The following SPTLC1 variants were observed in gnomAD, a reference collection of about 807,000 sequenced individuals.
SPTLC1 encodes serine palmitoyltransferase long chain base subunit 1, also known as serine palmitoyltransferase 1.
Under a neutral mutation model 68.9 loss-of-function variants are expected in SPTLC1, and 55 were observed. That is an observed-to-expected ratio of 0.80 (90% confidence interval 0.64 to 1.00). SPTLC1 has a LOEUF of 1.00. SPTLC1 is among the 50% of genes least tolerant of loss of function. The pLI, the probability that SPTLC1 is intolerant of heterozygous loss-of-function variation, is 0.00. For synonymous variants in SPTLC1, 197 were observed against 201.6 expected (o/e 0.98, Z 0.19); for missense variants, 449 against 573.1 (o/e 0.78, Z 2.21).
chr9:92,079,421 T>C (rs1587952790), intron 5 of SPTLC1: 1 of 1,572,554 alleles, frequency 6.4e-7, no homozygotes, highest in East Asian at 2.3e-5. Flanking sequence ...AATATACACT[T>C]AATAAAAACA....
intron 5 of SPTLC1, among the ~76,000 whole-genome samples, chr9:92,071,086 TAA>T (rs796078125): frequency 2.1e-5 from 3 of 143,480 alleles, no homozygotes; most frequent in Admixed American, 7.0e-5. Flanking sequence ...ATACTGTCCT[TAA>T]AAAAAAAAAA....
intron 3 of SPTLC1, among the ~76,000 whole-genome samples, chr9:92,083,978 T>C (rs926698815): frequency 2.6e-5 from 4 of 152,240 alleles, no homozygotes; most frequent in African/African-American, 9.6e-5. Flanking sequence ...GTTGGATTCC[T>C]AGGTATTTCA....
chr9:92,033,499 G>A (rs1001892023), intron 14 of SPTLC1, among the ~76,000 whole-genome samples: 2 of 152,144 alleles, frequency 1.3e-5, no homozygotes, highest in Admixed American at 6.5e-5. Flanking sequence ...AAACCAGCAC[G>A]GCTCCCGTCC....
Position 92,079,965 on chromosome 9 carries a change from AT to A in SPTLC1, c.427+50del, listed in dbSNP as rs751794123. 4 of 1,494,138 alleles carry A rather than the reference AT, an allele frequency of 2.7e-6. No homozygotes were observed. In the East Asian group the frequency reaches 9.0e-5, roughly 34 times the overall value. The allele number at this position is 1,494,138 out of a possible 1,614,324, so 92.6% of individuals were successfully genotyped here. On this transcript the variant is annotated intron_variant, in intron 5 of 14. Transcript: ENST00000262554. The stretch of plus-strand genomic sequence containing the variant: ...GCCACCATGCCCAGCCTAAAATTGA[AT>A]CTTAACTATTGAAAGCAGTAGTCTC...
intron 10 of SPTLC1, 101 bp downstream of exon 10, chr9:92,047,512 G>C (rs1362939126): frequency 1.6e-5 from 13 of 812,840 alleles, no homozygotes; most frequent in African/African-American, 3.5e-5. Context: ...TAAAAATTGT[G>C]TGATAAACTA....
At chr9:92,055,273 T>C in intron 8 of SPTLC1, 132 bp downstream of exon 8, 1 of 1,524,280 alleles carries the variant, frequency 6.6e-7, no homozygotes, top group Non-Finnish European at 8.8e-7. Flanking sequence ...TTCCCTGATC[T>C]GAGCAAAATA....
intron 3 of SPTLC1, among the ~76,000 whole-genome samples, chr9:92,093,131 TAA>T (rs1263353483): frequency 6.6e-6 from 1 of 152,174 alleles, no homozygotes; most frequent in Non-Finnish European, 1.5e-5. Flanking sequence ...AGAGTACACC[TAA>T]GAGATATATT....
chr9:92,034,835 C>A lies in SPTLC1; in HGVS notation c.1303G>T (p.Glu435Ter), dbSNP rs1361508075. 1.2e-6 allele frequency: 2 copies of A among 1,614,176 alleles called. No individual in the cohort carries two copies. The highest frequency in any genetic ancestry group is 4.5e-5 in the East Asian group (2 of 44,884). ...ALTQARYLEKEEKCLPPPSIR... is the reference protein window; with the variant it reads ...ALTQARYLEK ...CTGGGAGGAGGGAGACACTTCTCTT[C>A]TTTCTCCAAGTAGCGCGCCTGAGTT... The change falls in exon 14 of 15, where the codon GAA becomes TAA. Residue 435 changes from glutamate to a stop codon, truncating the protein, a stop_gained. Transcript: ENST00000262554. LOFTEE classifies it high-confidence loss of function.
chr9:92,103,189 C>A (rs570592067), intron 3 of SPTLC1, among the ~76,000 whole-genome samples: 1 of 152,172 alleles, frequency 6.6e-6, no homozygotes, highest in African/African-American at 2.4e-5. Context: ...TCTTTACATA[C>A]GTGGATCCTT....
chr9:92,073,313 C>T (rs1338402744), intron 5 of SPTLC1, among the ~76,000 whole-genome samples: 3 of 152,208 alleles, frequency 2.0e-5, no homozygotes, highest in Non-Finnish European at 4.4e-5. Flanking sequence ...ACTTTGGACC[C>T]TAGCTCAATC....
intron 12 of SPTLC1, 197 bp from the exon 13 acceptor site, chr9:92,038,562 A>G: frequency 1.6e-6 from 1 of 612,220 alleles, no homozygotes; most frequent in East Asian, 3.0e-5. Flanking sequence ...CATCTAAAAA[A>G]GTCTGCCTGC....
At position 92,115,363 on chromosome 9, in the gene SPTLC1, G is replaced by C. The variant is rs1836415348; in HGVS notation, c.8C>G (p.Thr3Ser). The C allele has an allele frequency of 3.7e-6, 6 of 1,613,016 alleles. No individual in the cohort carries two copies. In the African/African-American group the frequency reaches 6.7e-5, roughly 18 times the overall value. ...CACCAGAACCCACTGCTCCGTGGCG[G>C]TCGCCATAGTTAGCCGCTTCCTTCC... MA[T>S]ATEQWVLVEM... The change falls in exon 1 of 15, where the codon ACC becomes AGC. Residue 3 changes from threonine to serine, a missense_variant. Thr to Ser is a moderately conservative substitution (Grantham distance 58). Transcript: ENST00000262554.
chr9:92,093,071 GA>G (rs1336855482), intron 3 of SPTLC1, among the ~76,000 whole-genome samples: 1 of 151,818 alleles, frequency 6.6e-6, no homozygotes, highest in African/African-American at 2.4e-5. Flanking sequence ...ATCAATACTA[GA>G]AAAGATTAAA....
intron 7 of SPTLC1, 68 bp downstream of exon 7, chr9:92,059,111 T>C: frequency 6.4e-7 from 1 of 1,551,914 alleles, no homozygotes; most frequent in Non-Finnish European, 8.8e-7. Flanking sequence ...CAAATTACCA[T>C]TTCATATATA....
intron 3 of SPTLC1, chr9:92,104,548 A>G: frequency 1.4e-6 from 2 of 1,445,458 alleles, no homozygotes; most frequent in Non-Finnish European, 1.9e-6. Flanking sequence ...GGATGTTTGG[A>G]CACCTCAGCC....
At chr9:92,082,430 C>T (rs899360151) in intron 3 of SPTLC1, among the ~76,000 whole-genome samples, 4 of 143,458 alleles carry the variant, frequency 2.8e-5, no homozygotes, top group African/African-American at 1.0e-4. Flanking sequence ...TGATGTTCCC[C>T]TTCCTGTGTC....
At chr9:92,052,737 G>A (rs1294833602) in intron 8 of SPTLC1, among the ~76,000 whole-genome samples, 1 of 151,836 alleles carries the variant, frequency 6.6e-6, no homozygotes, top group Non-Finnish European at 1.5e-5. Context: ...TTACCATGTT[G>A]GCCAGGCTGG....
At position 92,080,068 on chromosome 9, in the gene SPTLC1, T is replaced by C. The variant is rs1416454892; in HGVS notation, c.375A>G (p.Leu125=). Residue 125 remains leucine, a synonymous_variant, in exon 5 of 15, where the codon CTA becomes CTG. Transcript: ENST00000262554. ...PRVKAAALAS[L]KKYGVGTCGP... is the part of the protein sequence containing the mutation. ...CACAAGTCCCCACGCCATACTTCTT[T>C]AGAGATGCTAAAGCTGCTGCCTTTA... The C allele has an allele frequency of 6.2e-7, 1 of 1,613,956 alleles. No individual in the cohort carries two copies. The highest frequency in any genetic ancestry group is 2.2e-5 in the East Asian group (1 of 44,876).
intron 3 of SPTLC1, among the ~76,000 whole-genome samples, chr9:92,099,550 T>C (rs917316840): frequency 2.6e-5 from 4 of 151,760 alleles, no homozygotes; most frequent in African/African-American, 9.7e-5. Context: ...CACAATCTTG[T>C]TTCACTGCAA....
Sources: gnomAD v4.1 joint callset for allele counts (sites outside exome capture counted in the v4.1 genomes callset) on GRCh38, gnomAD v4.1.1 for gene constraint, MANE v1.5 for transcripts, NCBI Gene and HGNC (gene_info 2026-07-23, HGNC 2026-07-21) for gene names.